TMEM117: variants seen among roughly 807,000 people sequenced by gnomAD.
TMEM117 encodes the protein transmembrane protein 117.
Under a neutral mutation model 52.4 loss-of-function variants are expected in TMEM117, and 27 were observed. That is an observed-to-expected ratio of 0.51 (90% CI 0.38 to 0.71). The LOEUF is 0.71. Ranked by LOEUF, TMEM117 falls within the 30% of genes least tolerant of loss-of-function variation. The probability of loss-of-function intolerance (pLI) is 0.00; values close to 1 mark genes in which losing one functional copy is unlikely to be tolerated. For missense variants in TMEM117, 556 were observed against 630.5 expected, an observed-to-expected ratio of 0.88 and a Z score of 1.26; for synonymous variants, 215 against 206.3, an observed-to-expected ratio of 1.04 and a Z score of -0.36.
At chr12:44,184,891 C>T (rs892245206) in intron 4 of TMEM117, among the ~76,000 whole-genome samples, 1 of 152,172 alleles carries the variant, frequency 6.6e-6, no homozygotes, top group South Asian at 2.1e-4. Flanking sequence ...CAATCTCAAA[C>T]ATATGTAAGC....
intron 3 of TMEM117, among the ~76,000 whole-genome samples, chr12:43,979,559 G>T (rs1337828182): frequency 6.6e-6 from 1 of 152,134 alleles, no homozygotes; most frequent in Non-Finnish European, 1.5e-5. Flanking sequence ...AAGGGGAATA[G>T]TATAAAAGCA....
chr12:44,335,046 T>A (rs1951323061), intron 6 of TMEM117, among the ~76,000 whole-genome samples: 1 of 152,026 alleles, frequency 6.6e-6, no homozygotes, highest in South Asian at 2.1e-4. Context: ...CTTTGGAGAC[T>A]GGAAGAGAAT....
At chr12:44,167,919 G>A (rs140550508) in intron 4 of TMEM117, among the ~76,000 whole-genome samples, 1 of 152,148 alleles carries the variant, frequency 6.6e-6, no homozygotes, top group East Asian at 1.9e-4. Flanking sequence ...ATATAGTTCT[G>A]TTACTTCCTA....
chr12:44,358,066 A>G (rs564529998), intron 6 of TMEM117, among the ~76,000 whole-genome samples: 10 of 152,184 alleles, frequency 6.6e-5, no homozygotes, highest in Non-Finnish European at 1.5e-4. Flanking sequence ...GAATTAACAC[A>G]GGAACAGGAA....
At chr12:44,395,269 T>C in the TMEM117 span, among the ~76,000 whole-genome samples, 35 of 152,324 alleles carry the variant, frequency 2.3e-4, no homozygotes, top group African/African-American at 8.2e-4. Context: ...GTCATTTACA[T>C]ATCCAAATGG....
intron 6 of TMEM117, among the ~76,000 whole-genome samples, chr12:44,311,087 A>C (rs528088124): frequency 6.6e-6 from 1 of 152,296 alleles, no homozygotes; most frequent in South Asian, 2.1e-4. Context: ...AATTTCTCCT[A>C]TAAAACTATA....
At chr12:44,290,210 A>G (rs1013195653) in intron 5 of TMEM117, among the ~76,000 whole-genome samples, 1 of 152,084 alleles carries the variant, frequency 6.6e-6, no homozygotes, top group Non-Finnish European at 1.5e-5. Flanking sequence ...TTTGCAGTAC[A>G]TAAGTTTCTT....
chr12:44,178,732 G>GT (rs113242957), intron 4 of TMEM117, among the ~76,000 whole-genome samples: 40,812 of 151,994 alleles, frequency 0.27, 9,926 homozygotes, highest in African/African-American at 0.65. Context: ...TACATTATGG[G>GT]TTTTTTCCCC....
chr12:44,342,119 G>A (rs543107500), intron 6 of TMEM117, among the ~76,000 whole-genome samples: 1 of 152,242 alleles, frequency 6.6e-6, no homozygotes, highest in East Asian at 1.9e-4. Flanking sequence ...CTACAAGTCA[G>A]CTATCTAGCT....
At chr12:44,054,892 CT>C in intron 3 of TMEM117, among the ~76,000 whole-genome samples, 1 of 151,984 alleles carries the variant, frequency 6.6e-6, no homozygotes, top group Non-Finnish European at 1.5e-5. Flanking sequence ...CCCTCCCCAC[CT>C]TCCCCACCCC....
At chr12:44,286,297 T>G (rs1950637761) in intron 5 of TMEM117, among the ~76,000 whole-genome samples, 1 of 150,736 alleles carries the variant, frequency 6.6e-6, no homozygotes, top group Admixed American at 6.6e-5. Flanking sequence ...AGTTAATGTA[T>G]TAAAACAGTT....
chr12:44,386,707 T>C (rs1952093049), intron 7 of TMEM117, among the ~76,000 whole-genome samples: 1 of 152,122 alleles, frequency 6.6e-6, no homozygotes, highest in Admixed American at 6.6e-5. Context: ...TATTATTTTC[T>C]GCATGTAAAG....
chr12:43,805,812 C>G, the TMEM117 span: 1 of 1,369,712 alleles, frequency 7.3e-7, no homozygotes, highest in South Asian at 1.1e-5. Context: ...TCCTTTGGAC[C>G]ATGAAAAAGA....
Position 43,976,525 on chromosome 12 carries a change from A to G in TMEM117, c.410+32183A>G, listed in dbSNP as rs181255735. On this transcript the variant is annotated intron_variant, in intron 3 of 7. Coordinates refer to ENST00000266534, the MANE Select transcript of TMEM117 (RefSeq NM_032256.3). ...TGAGTAGAGAGCATCCTAAGCACGA[A>G]TCATCAAAGGTTGGTTTCTGGAGAC... Among the ~76,000 whole-genome samples, 199 of 152,308 alleles carry G rather than the reference A, an allele frequency of 1.3e-3. 1 individual carries two copies. The highest frequency in any genetic ancestry group is 4.6e-3 in the African/African-American group (193 of 41,562).
chr12:43,897,605 G>T (rs149532922), intron 2 of TMEM117, among the ~76,000 whole-genome samples: 1 of 151,788 alleles, frequency 6.6e-6, no homozygotes, highest in South Asian at 2.1e-4. Flanking sequence ...GAGCCACCGC[G>T]CCTGGACTTT....
chr12:43,893,153 T>G (rs1944138524), intron 2 of TMEM117, among the ~76,000 whole-genome samples: 1 of 152,226 alleles, frequency 6.6e-6, no homozygotes. Flanking sequence ...GTTTGGATTT[T>G]ATTCTAAGTA....
At chr12:43,900,672 C>T (rs1183490191) in intron 2 of TMEM117, among the ~76,000 whole-genome samples, 2 of 150,774 alleles carry the variant, frequency 1.3e-5, no homozygotes, top group African/African-American at 4.9e-5. Context: ...GAGCTGAGAT[C>T]GCGCCACTGT....
At chr12:44,318,322 A>G (rs1043105388) in intron 6 of TMEM117, 2 of 152,424 alleles carry the variant, frequency 1.3e-5, no homozygotes, top group African/African-American at 4.8e-5. Context: ...ATCTGCCTGC[A>G]TGCGTGGAAC....
chr12:43,864,510 A>C (rs1168996851), intron 2 of TMEM117, among the ~76,000 whole-genome samples: 2 of 151,958 alleles, frequency 1.3e-5, no homozygotes, highest in Admixed American at 1.3e-4. Flanking sequence ...ATCAATCGGC[A>C]CTCTGTATCT....
Sources: allele counts gnomAD v4.1 joint callset (sites outside exome capture counted in the v4.1 genomes callset), GRCh38; gene constraint gnomAD v4.1.1; transcripts MANE v1.5; gene names NCBI Gene and HGNC (gene_info 2026-07-23, HGNC 2026-07-21).